Variants in MARCHF4 observed in about 807,000 individuals in gnomAD.
MARCHF4 encodes the protein membrane associated ring-CH-type finger 4, also known as E3 ubiquitin-protein ligase MARCHF4.
MARCHF4 carries 14 observed loss-of-function variants against 43.9 expected under a neutral mutation model. The ratio of observed to expected loss-of-function variants is 0.32; its 90% CI spans 0.21 to 0.50. The LOEUF is 0.50. Ranked by LOEUF, MARCHF4 falls within the 20% of genes least tolerant of loss-of-function variation. The probability of loss-of-function intolerance (pLI) is 0.98; values close to 1 mark genes in which losing one functional copy is unlikely to be tolerated. For synonymous variants in MARCHF4, 226 were observed against 213.3 expected (o/e 1.06, Z -0.52); for missense variants, 468 against 536.7 (o/e 0.87, Z 1.27).
intron 1 of MARCHF4, among the ~76,000 whole-genome samples, chr2:216,298,355 T>A (rs1227582175): frequency 7.1e-6 from 1 of 141,216 alleles, no homozygotes; most frequent in Admixed American, 7.5e-5. Context: ...AGCCTTGACC[T>A]CGCAGGCTCA....
At chr2:216,280,636 G>A (rs957900662) in intron 2 of MARCHF4, among the ~76,000 whole-genome samples, 23 of 152,144 alleles carry the variant, frequency 1.5e-4, no homozygotes, top group African/African-American at 5.6e-4. Flanking sequence ...ATTCCCAAAC[G>A]TGCCTGTGCA....
chr2:216,365,623 C>G (rs1354854863), intron 1 of MARCHF4, among the ~76,000 whole-genome samples: 1 of 152,236 alleles, frequency 6.6e-6, no homozygotes, highest in Non-Finnish European at 1.5e-5. Flanking sequence ...TTTCTTCTCA[C>G]TTGGTCTTCA....
chr2:216,260,322 C>T (rs752903992), intron 3 of MARCHF4, among the ~76,000 whole-genome samples: 1 of 152,246 alleles, frequency 6.6e-6, no homozygotes, highest in Non-Finnish European at 1.5e-5. Context: ...CTTACATCTT[C>T]ATGGAGACAC....
intron 1 of MARCHF4, among the ~76,000 whole-genome samples, chr2:216,349,089 C>A (rs1335702648): frequency 1.3e-5 from 2 of 151,922 alleles, no homozygotes; most frequent in East Asian, 3.9e-4. Flanking sequence ...CATCTGAGAG[C>A]AAGAAGGTAA....
In MARCHF4 at chr2:216,368,749, A is replaced by G. The variant is rs543118522; in HGVS notation, c.516+996T>C. Among the ~76,000 whole-genome samples the G allele has an allele frequency of 4.6e-5, 7 of 152,344 alleles. No homozygotes were observed. In the East Asian group the frequency reaches 1.3e-3, roughly 29 times the overall value. On this transcript the variant is annotated intron_variant, in intron 1 of 3. Transcript: ENST00000273067. ...ATAACCTTGCCCACCTTGCAATTGA[A>G]TACTCCTTCTCCAGCATCACTAACT...
At chr2:216,278,297 C>G (rs1457485031) in intron 2 of MARCHF4, among the ~76,000 whole-genome samples, 1 of 152,180 alleles carries the variant, frequency 6.6e-6, no homozygotes, top group Non-Finnish European at 1.5e-5. Flanking sequence ...GATCTCGGCT[C>G]ATTGCAAGCT....
chr2:216,339,411 A>G (rs900744875), intron 1 of MARCHF4, among the ~76,000 whole-genome samples: 1 of 152,168 alleles, frequency 6.6e-6, no homozygotes, highest in Non-Finnish European at 1.5e-5. Context: ...TCAGGCTCCC[A>G]CTGCCTTGGC....
At chr2:216,318,136 C>T (rs1456508667) in intron 1 of MARCHF4, 1 of 152,216 alleles carries the variant, frequency 6.6e-6, no homozygotes, top group Admixed American at 6.5e-5. Flanking sequence ...TCTTTACTCT[C>T]AAGGTTCTGC....
rs142383613 is a variant in MARCHF4, at chr2:216,363,872, C to A, written c.516+5873G>T. Among the ~76,000 whole-genome samples, 3 of 152,234 alleles carry A rather than the reference C, an allele frequency of 2.0e-5. No individual in the cohort carries two copies. In the East Asian group the frequency reaches 5.8e-4, roughly 29 times the overall value. ...TATGCCATGTAACATGTTTACTGGG[C>A]CTGGATGTCCTGAGATGAGATGACC... On this transcript the variant is annotated intron_variant, in intron 1 of 3. Transcript: ENST00000273067.
chr2:216,369,998 G>T lies in MARCHF4; in HGVS notation c.263C>A (p.Ala88Glu), dbSNP rs764529215. The T allele has an allele frequency of 7.8e-6, 12 of 1,542,718 alleles. No individual in the cohort carries two copies. The highest frequency in any genetic ancestry group is 7.1e-5 in the South Asian group (6 of 84,790). Residue 88 changes from alanine (A) to glutamate (E), a missense_variant, in exon 1 of 4, where the codon GCA (alanine) becomes GAA (glutamate). Ala to Glu is a moderately radical substitution (Grantham distance 107). Around this residue, in one of 3 missense-constraint regions of MARCHF4, gnomAD observed 190 missense variants for 158.5 expected, o/e 1.20. Transcript: ENST00000273067. ...CACTTCTCGGGGGCCCCTCCAGCCT[G>T]CCCACCCCCCGGCGCCCAGAGCCGG... The part of the protein sequence containing the change: ...TLPALGAGGW[A>E]GWRGPREVVG...
At position 216,367,494 on chromosome 2, in the gene MARCHF4, T is replaced by C. The variant is rs140183861; in HGVS notation, c.516+2251A>G. Among the ~76,000 whole-genome samples, 313 of 152,304 alleles carry C rather than the reference T, an allele frequency of 2.1e-3. 1 individual carries two copies. Among genetic ancestry groups the C allele is most frequent in the African/African-American group, 7.1e-3 (297 of 41,562 alleles). On this transcript the variant is annotated intron_variant, in intron 1 of 3. Transcript: ENST00000273067. ...ACTGGGAAACTGTGTTCTCCACATC[T>C]AATGCAGTACTCACATTGCTGTTAT... is the stretch of plus-strand genomic sequence containing the variant.
intron 1 of MARCHF4, among the ~76,000 whole-genome samples, chr2:216,343,543 A>G (rs964500946): frequency 6.6e-6 from 1 of 152,142 alleles, no homozygotes; most frequent in Non-Finnish European, 1.5e-5. Flanking sequence ...GGGGCGGTGC[A>G]CAAACATTTA....
intron 2 of MARCHF4, among the ~76,000 whole-genome samples, chr2:216,279,278 G>A (rs769239059): frequency 3.2e-4 from 49 of 152,362 alleles, no homozygotes; most frequent in Non-Finnish European, 3.7e-4. Context: ...AAGGATAAAA[G>A]CCTGGGAGAA....
At chr2:216,331,614 A>G (rs1692082302) in intron 1 of MARCHF4, among the ~76,000 whole-genome samples, 1 of 152,218 alleles carries the variant, frequency 6.6e-6, no homozygotes, top group Non-Finnish European at 1.5e-5. Context: ...CCAATGATAC[A>G]TAAAATAGAC....
intron 1 of MARCHF4, among the ~76,000 whole-genome samples, chr2:216,320,629 TTC>T (rs1491400622): frequency 2.0e-5 from 2 of 99,204 alleles, no homozygotes; most frequent in Non-Finnish European, 4.1e-5. Flanking sequence ...CTTTCTTTCT[TTC>T]TTTCTTTCTT....
intron 1 of MARCHF4, among the ~76,000 whole-genome samples, chr2:216,317,735 T>C (rs924445812): frequency 6.6e-6 from 1 of 152,136 alleles, no homozygotes; most frequent in African/African-American, 2.4e-5. Flanking sequence ...TAAAGCAAGC[T>C]TTTTTTACAC....
intron 1 of MARCHF4, among the ~76,000 whole-genome samples, chr2:216,325,069 T>C (rs1316847744): frequency 4.6e-5 from 7 of 152,158 alleles, no homozygotes; most frequent in East Asian, 3.8e-4. Context: ...GAAAACCCCA[T>C]TGTCTCAGCC....
intron 1 of MARCHF4, among the ~76,000 whole-genome samples, chr2:216,294,877 G>T (rs930077747): frequency 7.9e-5 from 12 of 152,232 alleles, no homozygotes; most frequent in Non-Finnish European, 1.5e-4. Context: ...AACCCTGTAT[G>T]CAAGCATTGA....
At chr2:216,305,931 C>T (rs1343190451) in intron 1 of MARCHF4, among the ~76,000 whole-genome samples, 1 of 152,188 alleles carries the variant, frequency 6.6e-6, no homozygotes, top group Non-Finnish European at 1.5e-5. Flanking sequence ...TCTAAACATT[C>T]TCTGTTCTCA....
Sources: allele counts gnomAD v4.1 joint callset (sites outside exome capture counted in the v4.1 genomes callset), GRCh38; gene constraint gnomAD v4.1.1; regional missense constraint gnomAD v4.1.1; transcripts MANE v1.5; gene names NCBI Gene and HGNC (gene_info 2026-07-23, HGNC 2026-07-21).